The following BCKDHB variants were observed in gnomAD, a reference collection of about 807,000 sequenced individuals.
The protein encoded by BCKDHB is 2-oxoisovalerate dehydrogenase subunit beta, mitochondrial.
BCKDHB carries 41 observed loss-of-function variants against 48.5 expected under a neutral mutation model. That is an observed-to-expected ratio of 0.85 (90% CI 0.66 to 1.10). The LOEUF is 1.10. Ranked by LOEUF, BCKDHB falls within the 50% of genes least tolerant of loss-of-function variation. The probability of loss-of-function intolerance (pLI) is 0.00; values close to 1 mark genes in which losing one functional copy is unlikely to be tolerated. For synonymous variants in BCKDHB, 201 were observed against 174.8 expected, an observed-to-expected ratio of 1.15 and a Z score of -1.18; for missense variants, 496 against 494.2, an observed-to-expected ratio of 1.00 and a Z score of -0.03.
intron 3 of BCKDHB, among the ~76,000 whole-genome samples, chr6:80,149,587 A>T (rs538072177): frequency 6.6e-6 from 1 of 151,664 alleles, no homozygotes; most frequent in Non-Finnish European, 1.5e-5. Context: ...CCAAATGTCC[A>T]ACAATGATAG....
At chr6:80,238,352 GC>G (rs991165504) in intron 8 of BCKDHB, among the ~76,000 whole-genome samples, 14 of 152,158 alleles carry the variant, frequency 9.2e-5, no homozygotes, top group African/African-American at 3.4e-4. Context: ...GCTGGCCTTG[GC>G]CTCCCAAAGT....
At chr6:80,121,866 C>T (rs775381085) in intron 1 of BCKDHB, among the ~76,000 whole-genome samples, 31 of 151,812 alleles carry the variant, frequency 2.0e-4, no homozygotes, top group African/African-American at 2.2e-4. Context: ...TGCCTGATTG[C>T]GGCTAGAACT....
chr6:80,406,926 TG>T, the BCKDHB span, among the ~76,000 whole-genome samples: 1 of 152,236 alleles, frequency 6.6e-6, no homozygotes, highest in Non-Finnish European at 1.5e-5. Flanking sequence ...ATGAAGTCCT[TG>T]CCCATGCCTA....
the BCKDHB span, among the ~76,000 whole-genome samples, chr6:80,458,141 T>C: frequency 6.0e-3 from 907 of 152,278 alleles, 9 homozygotes; most frequent in African/African-American, 0.02. Context: ...GGCAAACTCT[T>C]GTAGAAAAGC....
intron 9 of BCKDHB, among the ~76,000 whole-genome samples, chr6:80,320,723 A>G (rs1236800611): frequency 1.3e-5 from 2 of 152,182 alleles, no homozygotes; most frequent in Non-Finnish European, 2.9e-5. Context: ...TTGATAGGCA[A>G]TTATGATTTT....
chr6:80,190,566 T>C (rs1437872348), intron 6 of BCKDHB, among the ~76,000 whole-genome samples: 2 of 152,176 alleles, frequency 1.3e-5, no homozygotes, highest in African/African-American at 4.8e-5. Flanking sequence ...TAAAAGGTGA[T>C]ACTTTAAAGG....
intron 6 of BCKDHB, among the ~76,000 whole-genome samples, chr6:80,193,325 T>C (rs1773984751): frequency 6.6e-6 from 1 of 152,202 alleles, no homozygotes; most frequent in East Asian, 1.9e-4. Context: ...TTTTCAGTGT[T>C]ACTCAGTGAT....
chr6:80,187,174 G>A (rs1383429977), intron 6 of BCKDHB, among the ~76,000 whole-genome samples: 1 of 152,002 alleles, frequency 6.6e-6, no homozygotes. Context: ...TTAGATCTTT[G>A]TATTTCCTCT....
At chr6:80,338,230 A>G (rs542316401) in intron 9 of BCKDHB, among the ~76,000 whole-genome samples, 7 of 152,330 alleles carry the variant, frequency 4.6e-5, no homozygotes, top group African/African-American at 1.7e-4. Context: ...ATGATATTGG[A>G]TGGTCTTTAT....
chr6:80,304,686 A>C (rs78526610), intron 9 of BCKDHB, among the ~76,000 whole-genome samples: 4,376 of 152,258 alleles, frequency 0.029, 186 homozygotes, highest in African/African-American at 0.1. Flanking sequence ...ATAGGTGCAA[A>C]GTTTTTATAG....
At position 80,314,529 on chromosome 6, in the gene BCKDHB, T is replaced by G. The variant is rs1490376919; in HGVS notation, c.1039-29135T>G. On this transcript the variant is annotated intron_variant, in intron 9 of 9. Coordinates refer to ENST00000320393, the MANE Select transcript of BCKDHB (RefSeq NM_183050.4). ...GCTGTAGTACACAGAGGGAGGTGGC[T>G]GGAGACCCCAAGTGGGAGGACCCAC... 4.6e-5 allele frequency among the ~76,000 whole-genome samples: 7 copies of G among 152,314 alleles called. No individual in the cohort carries two copies. In the East Asian group the frequency reaches 1.4e-3, roughly 29 times the overall value.
intron 9 of BCKDHB, chr6:80,308,089 A>G (rs1767967597): frequency 3.5e-6 from 1 of 287,968 alleles, no homozygotes; most frequent in African/African-American, 2.3e-5. Flanking sequence ...ATAAAATAAA[A>G]TAAGATGAAC....
the BCKDHB span, among the ~76,000 whole-genome samples, chr6:80,373,248 G>A: frequency 1.3e-5 from 2 of 152,100 alleles, no homozygotes; most frequent in African/African-American, 4.8e-5. Context: ...GGTGTTCATA[G>A]TAACCTTTAA....
chr6:80,169,172 G>A (rs1236927438), intron 5 of BCKDHB, 142 bp downstream of exon 5: 2 of 1,157,542 alleles, frequency 1.7e-6, no homozygotes, highest in South Asian at 1.5e-5. Context: ...ATTTAAGAAG[G>A]GGAGGTTAGC....
At chr6:80,239,063 G>A (rs971606247) in intron 8 of BCKDHB, among the ~76,000 whole-genome samples, 12 of 152,102 alleles carry the variant, frequency 7.9e-5, no homozygotes, top group African/African-American at 2.2e-4. Flanking sequence ...ATGAACATAC[G>A]TGTGCATGTG....
chr6:80,382,635 C>A, the BCKDHB span, among the ~76,000 whole-genome samples: 1 of 152,088 alleles, frequency 6.6e-6, no homozygotes, highest in African/African-American at 2.4e-5. Flanking sequence ...TGATTATATT[C>A]TTCCCAGTTC....
chr6:80,450,631 G>T, the BCKDHB span, among the ~76,000 whole-genome samples: 2 of 152,146 alleles, frequency 1.3e-5, no homozygotes, highest in African/African-American at 4.8e-5. Context: ...AGCACCCAAG[G>T]TGAAATTTTT....
intron 8 of BCKDHB, among the ~76,000 whole-genome samples, chr6:80,216,449 G>A (rs1775175621): frequency 6.6e-6 from 1 of 151,966 alleles, no homozygotes; most frequent in Non-Finnish European, 1.5e-5. Flanking sequence ...CTTTCATTTA[G>A]CATTTTTTTT....
chr6:80,322,205 C>G (rs896045433), intron 9 of BCKDHB, among the ~76,000 whole-genome samples: 1 of 151,310 alleles, frequency 6.6e-6, no homozygotes, highest in East Asian at 1.9e-4. Flanking sequence ...CACACATTCT[C>G]TCTTAGACAT....
Sources: gnomAD v4.1 joint callset for allele counts (sites outside exome capture counted in the v4.1 genomes callset) on GRCh38, gnomAD v4.1.1 for gene constraint, MANE v1.5 for transcripts, NCBI Gene and HGNC (gene_info 2026-07-23, HGNC 2026-07-21) for gene names.